NAP1L4: variants seen among roughly 807,000 people sequenced by gnomAD.
NAP1L4 encodes nucleosome assembly protein 1 like 4.
NAP1L4 carries 15 observed loss-of-function variants against 58.2 expected under a neutral mutation model. The observed-to-expected ratio is 0.26, with a 90% CI of 0.17 to 0.40. The LOEUF is 0.40. Among genes scored for constraint, NAP1L4 ranks in the 10% least tolerant of loss-of-function variants. NAP1L4 has a pLI of 1.00. For missense variants in NAP1L4, 384 were observed against 451.1 expected, an observed-to-expected ratio of 0.85 and a Z score of 1.35; for synonymous variants, 171 against 155.6, an observed-to-expected ratio of 1.10 and a Z score of -0.74.
intron 7 of NAP1L4, among the ~76,000 whole-genome samples, chr11:2,965,435 C>G (rs1847214183): frequency 6.6e-6 from 1 of 152,198 alleles, no homozygotes; most frequent in African/African-American, 2.4e-5. Flanking sequence ...AGAGAAGGTA[C>G]AGTAAGAATA....
At chr11:2,958,630 A>G (rs1846688841) in intron 9 of NAP1L4, 86 bp from the exon 10 acceptor site, 1 of 1,383,804 alleles carries the variant, frequency 7.2e-7, no homozygotes, top group African/African-American at 1.5e-5. Context: ...CCACAGCTCT[A>G]TGCCAAACCT....
chr11:2,954,543 A>G lies in NAP1L4; in HGVS notation c.1019T>C (p.Ile340Thr). The G allele has an allele frequency of 1.2e-6, 2 of 1,614,202 alleles. No homozygotes were observed. The highest frequency in any genetic ancestry group is 1.7e-6 in the Non-Finnish European group (2 of 1,180,044). ...RAVLYFTGEA[I>T]EDDDNFEEGE... Reference sequence around the variant, plus strand: ...GCCTCATACATTGTCATCATCTTCTATGGCCTCCCCAGTGAAGTACAGCAC... The same window carrying G: ...GCCTCATACATTGTCATCATCTTCTGTGGCCTCCCCAGTGAAGTACAGCAC... The change falls in exon 12 of 16, where the codon ATA (isoleucine) becomes ACA (threonine). Residue 340 changes from isoleucine to threonine, a missense_variant. Ile to Thr is a moderately conservative substitution (Grantham distance 89). Coordinates refer to ENST00000380542, the MANE Select transcript of NAP1L4 (RefSeq NM_005969.4). This position sits in a 1 kb window ranked among gnomAD's most constrained non-coding sequence, Gnocchi z 4.8.
chr11:2,963,413 G>T (rs1207303956), intron 8 of NAP1L4, among the ~76,000 whole-genome samples: 1 of 152,162 alleles, frequency 6.6e-6, no homozygotes, highest in South Asian at 2.1e-4. Context: ...ACCCACATGG[G>T]GCAAGGAAGA....
chr11:2,977,312 A>G (rs767983841), intron 3 of NAP1L4, among the ~76,000 whole-genome samples: 1 of 152,152 alleles, frequency 6.6e-6, no homozygotes, highest in Non-Finnish European at 1.5e-5. Flanking sequence ...TTAATCATCA[A>G]TCTCAGTGTC....
chr11:2,970,609 G>A (rs548540727), intron 6 of NAP1L4, among the ~76,000 whole-genome samples: 18 of 152,242 alleles, frequency 1.2e-4, no homozygotes, highest in African/African-American at 1.4e-4. Context: ...ACCAAGGGAG[G>A]TGAAACGCAA....
intron 8 of NAP1L4, chr11:2,964,027 A>C (rs1847110201): frequency 2.3e-6 from 1 of 428,896 alleles, no homozygotes. Context: ...CATGCCACTA[A>C]CATTACTAAT....
At chr11:2,982,998 CA>C (rs1160459292) in intron 1 of NAP1L4, among the ~76,000 whole-genome samples, 1 of 151,906 alleles carries the variant, frequency 6.6e-6, no homozygotes, top group African/African-American at 2.4e-5. Flanking sequence ...CCAGCCTGGG[CA>C]ACACAGCAAG....
In NAP1L4 at chr11:2,955,102, G is replaced by GTTGGAGGGC. The variant is rs1201012649; in HGVS notation, c.916-465_916-457dup. ...GACAGGGTCTTATTCTATCACCCAGGTTGGAGGGCAGTGGTGCAATCACAG... is the reference window on the plus strand; with the variant it reads ...GACAGGGTCTTATTCTATCACCCAGGTTGGAGGGCTTGGAGGGCAGTGGTGCAATCACAG... On this transcript the variant is annotated intron_variant, in intron 11 of 15. Coordinates refer to ENST00000380542, the MANE Select transcript of NAP1L4 (RefSeq NM_005969.4). This position sits in a 1 kb window ranked among gnomAD's most constrained non-coding sequence, Gnocchi z 4.2. Among the ~76,000 whole-genome samples the GTTGGAGGGC allele has an allele frequency of 6.6e-6, 1 of 152,018 alleles. No individual in the cohort carries two copies. The highest frequency in any genetic ancestry group is 2.4e-5 in the African/African-American group (1 of 41,364).
intron 3 of NAP1L4, among the ~76,000 whole-genome samples, chr11:2,976,771 A>G (rs1276194221): frequency 6.6e-6 from 1 of 152,194 alleles, no homozygotes; most frequent in Non-Finnish European, 1.5e-5. Flanking sequence ...TTATAAGCCC[A>G]TTTCCCAATA....
In NAP1L4 at chr11:2,955,900, A is replaced by G. The variant is rs371178950; in HGVS notation, c.893-134T>C. The G allele has an allele frequency of 6.4e-6, 5 of 777,718 alleles. No individual in the cohort carries two copies. The highest frequency in any genetic ancestry group is 4.7e-4 in the Middle Eastern group (2 of 4,254). 48.2% of individuals were successfully genotyped at this position (777,718 alleles called of 1,614,324 possible). A position where few individuals can be genotyped will look rare whatever the true frequency, so the allele number is the denominator to read the frequency against. On this transcript the variant is annotated intron_variant, in intron 10 of 15. Coordinates refer to ENST00000380542, the MANE Select transcript of NAP1L4 (RefSeq NM_005969.4). The surrounding 1 kb of genome is among the most constrained non-coding windows in gnomAD (Gnocchi z 4.2). ...CCTCGAGGTTTAACAGAAATCCCCA[A>G]AGCCTTGCATCTCCTCACAGACATC...
At chr11:2,983,544 G>C (rs940464559) in intron 1 of NAP1L4, among the ~76,000 whole-genome samples, 2 of 149,772 alleles carry the variant, frequency 1.3e-5, no homozygotes, top group Non-Finnish European at 3.0e-5. Context: ...TACAATTTTT[G>C]TTAACAAGAT....
chr11:2,948,785 A>G lies in NAP1L4; in HGVS notation c.*32+442T>C, dbSNP rs1280791489. On this transcript the variant is annotated intron_variant, in intron 15 of 15. Transcript: ENST00000380542. This position sits in a 1 kb window ranked among gnomAD's most constrained non-coding sequence, Gnocchi z 5.1. ...CAAAACATGAATTCAAAAAGTATAG[A>G]TATTCAACAGACACGTGTTGGTAAT... Among the ~76,000 whole-genome samples, 1 of 152,186 alleles carries G rather than the reference A, an allele frequency of 6.6e-6. No individual in the cohort carries two copies. The highest frequency in any genetic ancestry group is 2.1e-4 in the South Asian group (1 of 4,818).
At position 2,955,712 on chromosome 11, in the gene NAP1L4, A is replaced by G; in HGVS notation, c.915+32T>C. 2 of 1,604,972 alleles carry G rather than the reference A, an allele frequency of 1.2e-6. No homozygotes were observed. The highest frequency in any genetic ancestry group is 1.7e-6 in the Non-Finnish European group (2 of 1,173,324). On this transcript the variant is annotated intron_variant, in intron 11 of 15. Coordinates refer to ENST00000380542, the MANE Select transcript of NAP1L4 (RefSeq NM_005969.4). The surrounding 1 kb of genome is among the most constrained non-coding windows in gnomAD (Gnocchi z 4.2). ...ACATTCACTCAGGAGAGACTTCAAC[A>G]GGAAAATAAGACTATTAACAACAAA...
intron 1 of NAP1L4, among the ~76,000 whole-genome samples, chr11:2,979,777 A>T (rs549182620): frequency 1.5e-4 from 22 of 151,424 alleles, no homozygotes; most frequent in African/African-American, 5.4e-4. Context: ...CATCTAAAAA[A>T]AAAAATAAAA....
chr11:2,976,211 C>G, intron 3 of NAP1L4, 88 bp from the exon 4 acceptor site: 1 of 914,948 alleles, frequency 1.1e-6, no homozygotes, highest in Non-Finnish European at 1.7e-6. Flanking sequence ...ATCTACTTAG[C>G]TTTGCCTAGA....
intron 2 of NAP1L4, among the ~76,000 whole-genome samples, chr11:2,978,560 T>C (rs148761236): frequency 6.6e-6 from 1 of 152,142 alleles, no homozygotes; most frequent in Admixed American, 6.5e-5. Context: ...CTCCCAAACA[T>C]AAAGCCCTAC....
chr11:2,991,325 G>A (rs990177153), intron 1 of NAP1L4: 3 of 305,374 alleles, frequency 9.8e-6, no homozygotes, highest in African/African-American at 2.2e-5. Flanking sequence ...ATTCAGAAGG[G>A]GAAAATTGAA....
chr11:2,977,026 G>A (rs1176583578), intron 3 of NAP1L4, among the ~76,000 whole-genome samples: 1 of 152,192 alleles, frequency 6.6e-6, no homozygotes, highest in Non-Finnish European at 1.5e-5. Flanking sequence ...AACACACCAA[G>A]CAGGCACTCA....
chr11:2,990,319 T>A (rs1249863708), intron 1 of NAP1L4: 1 of 152,246 alleles, frequency 6.6e-6, no homozygotes, highest in African/African-American at 2.4e-5. Context: ...TATCTCTAAG[T>A]AAACTTGTGA....
Sources: gnomAD v4.1 joint callset for allele counts (sites outside exome capture counted in the v4.1 genomes callset) on GRCh38, gnomAD v4.1.1 for gene constraint, Gnocchi (gnomAD v3.1) non-coding constraint, MANE v1.5 for transcripts, NCBI Gene and HGNC (gene_info 2026-07-23, HGNC 2026-07-21) for gene names.